Variants in FES observed in about 807,000 individuals in gnomAD.
FES encodes tyrosine-protein kinase Fes/Fps.
FES carries 83 observed loss-of-function variants against 109.6 expected under a neutral mutation model. The observed-to-expected ratio is 0.76, with a 90% confidence interval of 0.63 to 0.91. The LOEUF (loss-of-function observed/expected upper bound fraction) is 0.91, where lower values mean the gene tolerates loss of function less well. Ranked by LOEUF, FES falls within the 40% of genes least tolerant of loss-of-function variation. FES has a pLI of 0.00. For missense variants in FES, 943 were observed against 1,070.9 expected, an observed-to-expected ratio of 0.88 and a Z score of 1.67; for synonymous variants, 458 against 442.1, an observed-to-expected ratio of 1.04 and a Z score of -0.45.
chr15:90,885,440 A>C lies in FES; in HGVS notation c.242A>C (p.Glu81Ala). 6.2e-7 allele frequency: 1 copy of C among 1,613,158 alleles called. No individual in the cohort carries two copies. Among genetic ancestry groups the C allele is most frequent in the South Asian group, 1.1e-5 (1 of 91,070 alleles). The change falls in exon 3 of 19, where the codon GAG becomes GCG. Residue 81 changes from glutamate (E) to alanine (A), a missense_variant. Glu to Ala is a moderately radical substitution (Grantham distance 107, BLOSUM62 -1). Coordinates refer to ENST00000328850, the MANE Select transcript of FES (RefSeq NM_002005.4). ...QSWAEITSQT[E>A]GLSRLLRQHA... ...TGGGCTGAGATCACCAGCCAAACTG[A>C]GGGCCTGAGCCGCTTGCTGCGGCAG...
chr15:90,888,369 A>C (rs1398644132), intron 5 of FES, among the ~76,000 whole-genome samples: 3 of 152,184 alleles, frequency 2.0e-5, no homozygotes, highest in African/African-American at 7.2e-5. Context: ...TGCCTCCCAA[A>C]GTGCCGGGAT....
chr15:90,894,804 C>T (rs535523098), intron 18 of FES, among the ~76,000 whole-genome samples: 3 of 152,010 alleles, frequency 2.0e-5, no homozygotes, highest in Non-Finnish European at 4.4e-5. Context: ...CAGTGGCTCA[C>T]GCCTGTAATT....
intron 12 of FES, 117 bp downstream of exon 12, chr15:90,891,793 A>G: frequency 6.9e-7 from 1 of 1,442,568 alleles, no homozygotes; most frequent in South Asian, 1.3e-5. Context: ...TACATACAAG[A>G]TGCAGAGTGA....
intron 18 of FES, 28 bp downstream of exon 18, chr15:90,894,086 C>T (rs781333398): frequency 1.9e-6 from 3 of 1,611,584 alleles, no homozygotes; most frequent in Admixed American, 1.7e-5. Flanking sequence ...ACAGCAGCCT[C>T]AGGCTGCACC....
Position 90,893,770 on chromosome 15 carries a change from A to C in FES, c.2162A>C (p.Gln721Pro). Residue 721 changes from glutamine to proline, a missense_variant, in exon 17 of 19, where the codon CAA becomes CCA. Transcript: ENST00000328850. ...TATGCAGCCTCAGGGGGCCTCAGAC[A>C]AGTCCCCGTGAAGTGGACCGCACCT... ...GVYAASGGLR[Q>P]VPVKWTAPEA... 2 of 1,606,854 alleles carry C rather than the reference A, an allele frequency of 1.2e-6. No individual in the cohort carries two copies. Among genetic ancestry groups the C allele is most frequent in the Non-Finnish European group, 1.7e-6 (2 of 1,176,184 alleles).
At chr15:90,887,692 A>G (rs887570839) in intron 5 of FES, among the ~76,000 whole-genome samples, 13 of 152,160 alleles carry the variant, frequency 8.5e-5, no homozygotes, top group African/African-American at 3.1e-4. Flanking sequence ...GAGGAGCACT[A>G]AGAGCCATGG....
rs879933562 is a variant in FES, at chr15:90,890,145, A to T, written c.1103A>T (p.Gln368Leu). The change falls in exon 9 of 19, where the codon CAG (glutamine) becomes CTG (leucine). Residue 368 changes from glutamine to leucine, a missense_variant. By Grantham distance (113) the Gln-to-Leu change is moderately radical (BLOSUM62 -2). Coordinates refer to ENST00000328850, the MANE Select transcript of FES (RefSeq NM_002005.4). ...QVLQEALQGL[Q>L]VALCSQAKLQ... is the part of the protein sequence containing the mutation. The stretch of plus-strand genomic sequence containing the variant: ...CTGCAAGAAGCACTGCAGGGGCTGC[A>T]GGTAGCGCTGTGCAGCCAGGCCAAG... The T allele has an allele frequency of 1.6e-5, 26 of 1,589,752 alleles. No individual in the cohort carries two copies. The highest frequency in any genetic ancestry group is 2.2e-5 in the Non-Finnish European group (26 of 1,173,780).
chr15:90,890,605 T>C (rs753623918), intron 10 of FES, 121 bp downstream of exon 10: 2 of 921,610 alleles, frequency 2.2e-6, no homozygotes, highest in Non-Finnish European at 3.3e-6. Context: ...TTCCCTGGGA[T>C]TCCAGGCTGC....
Position 90,887,213 on chromosome 15 carries a change from A to T in FES, c.511A>T (p.Lys171Ter). 1 of 1,613,570 alleles carries T rather than the reference A, an allele frequency of 6.2e-7. No homozygotes were observed. ...KDKDRDKAKDKYVRSLWKLFA... is the reference protein window; with the variant it reads ...KDKDRDKAKD ...CAAGGACCGTGACAAGGCTAAGGAC[A>T]AGTATGTGCGCAGCCTGTGGAAGCT... The change falls in exon 5 of 19, where the codon AAG becomes TAG. Residue 171 changes from lysine to a stop codon, truncating the protein, a stop_gained. Transcript: ENST00000328850. LOFTEE classifies it high-confidence loss of function.
At chr15:90,893,035 C>T in intron 14 of FES, 65 bp from the exon 15 acceptor site, 1 of 1,551,438 alleles carries the variant, frequency 6.4e-7, no homozygotes, top group East Asian at 2.3e-5. Flanking sequence ...CTTCTCCCAT[C>T]ATCCCTGGGG....
In FES at chr15:90,889,298, G is replaced by T. The variant is rs1429424275; in HGVS notation, c.669-8G>T. The T allele has an allele frequency of 1.2e-6, 2 of 1,612,066 alleles. No individual in the cohort carries two copies. The highest frequency in any genetic ancestry group is 1.7e-6 in the Non-Finnish European group (2 of 1,179,674). On this transcript the variant is annotated splice_region_variant and splice_polypyrimidine_tract_variant and intron_variant, in intron 5 of 18. Transcript: ENST00000328850. The surrounding 1 kb of genome is among the most constrained non-coding windows in gnomAD (Gnocchi z 6.1). Reference sequence around the variant, plus strand: ...CTCCCCTGACTGGGGATCCCGTCTCGGGGGCAGGAAGGAGATCCTGCAGGA... The same window carrying T: ...CTCCCCTGACTGGGGATCCCGTCTCTGGGGCAGGAAGGAGATCCTGCAGGA...
intron 1 of FES, 176 bp from the exon 2 acceptor site, chr15:90,884,861 C>G: frequency 1.6e-6 from 1 of 612,584 alleles, no homozygotes; most frequent in East Asian, 2.7e-5. Context: ...GCAATGAGGG[C>G]CAGTCCCCAG....
chr15:90,891,438 T>C, intron 11 of FES, 116 bp from the exon 12 acceptor site: 1 of 1,419,830 alleles, frequency 7.0e-7, no homozygotes, highest in Non-Finnish European at 9.8e-7. Context: ...TCTGGAGGTC[T>C]CTCTGCCCCT....
rs763259168 is a variant in FES, at chr15:90,885,169, A to C, written c.124A>C (p.Arg42=). 1.2e-6 allele frequency: 2 copies of C among 1,613,904 alleles called. No individual in the cohort carries two copies. The highest frequency in any genetic ancestry group is 2.2e-5 in the East Asian group (1 of 44,882). The change falls in exon 2 of 19, where the codon AGG becomes CGG. Residue 42 remains arginine, a synonymous_variant. Coordinates refer to ENST00000328850, the MANE Select transcript of FES (RefSeq NM_002005.4). ...KWMAQRVKSD[R]EYAGLLHHMS... is the part of the protein sequence containing the mutation. ...GATGGCCCAGCGGGTCAAGAGTGACAGGGAGTATGCAGGACTGCTTCACCA... is the reference window on the plus strand; with the variant it reads ...GATGGCCCAGCGGGTCAAGAGTGACCGGGAGTATGCAGGACTGCTTCACCA...
chr15:90,887,127 G>C, intron 4 of FES, 60 bp from the exon 5 acceptor site: 2 of 1,612,326 alleles, frequency 1.2e-6, no homozygotes, highest in Non-Finnish European at 1.7e-6. Context: ...GGTACCCAGA[G>C]AGTGGGGGCT....
chr15:90,892,228 C>A, intron 13 of FES, 117 bp downstream of exon 13: 1 of 1,116,688 alleles, frequency 9.0e-7, no homozygotes, highest in South Asian at 1.3e-5. Context: ...ACTTGTACCC[C>A]GACTCCCTGC....
Position 90,895,528 on chromosome 15 carries a change from G to A in FES, c.2439G>A (p.Glu813=). The A allele has an allele frequency of 6.3e-7, 1 of 1,594,880 alleles. No homozygotes were observed. Among genetic ancestry groups the A allele is most frequent in the East Asian group, 2.3e-5 (1 of 43,724 alleles). The change falls in exon 19 of 19, where the codon GAG becomes GAA. Residue 813 remains glutamate, a synonymous_variant. Coordinates refer to ENST00000328850, the MANE Select transcript of FES (RefSeq NM_002005.4). ...CCAGCTTCAGCACCATCTACCAGGA[G>A]CTGCAGAGCATCCGAAAGCGGCATC... ...QRPSFSTIYQ[E]LQSIRKRHR
chr15:90,889,041 G>T lies in FES; in HGVS notation c.669-265G>T, dbSNP rs978523892. Among the ~76,000 whole-genome samples the T allele has an allele frequency of 6.6e-6, 1 of 152,092 alleles. No homozygotes were observed. The highest frequency in any genetic ancestry group is 1.9e-4 in the East Asian group (1 of 5,178). On this transcript the variant is annotated intron_variant, in intron 5 of 18. Transcript: ENST00000328850. This position sits in a 1 kb window ranked among gnomAD's most constrained non-coding sequence, Gnocchi z 6.1. ...TGACCTCAGGCAATCCACCCGCCTCGACCTCCCAGTGTTGGTATTATAGGC... is the reference window on the plus strand; with the variant it reads ...TGACCTCAGGCAATCCACCCGCCTCTACCTCCCAGTGTTGGTATTATAGGC...
chr15:90,892,066 G>A lies in FES; in HGVS notation c.1662G>A (p.Trp554Ter). Residue 554 changes from tryptophan (W) to a stop codon, truncating the protein, a stop_gained, in exon 13 of 19, where the codon TGG (tryptophan) becomes TGA (stop). Coordinates refer to ENST00000328850, the MANE Select transcript of FES (RefSeq NM_002005.4). LOFTEE classifies it high-confidence loss of function. ...TCTCCTCTCTTCCCCAGGACAAGTG[G>A]GTGCTGAACCATGAGGACCTGGTGT... The part of the protein sequence containing the change: ...VLHRAVPKDK[W>*]VLNHEDLVLG... 1 of 1,614,120 alleles carries A rather than the reference G, an allele frequency of 6.2e-7. No homozygotes were observed.
Sources: allele counts gnomAD v4.1 joint callset (sites outside exome capture counted in the v4.1 genomes callset), GRCh38; gene constraint gnomAD v4.1.1; non-coding constraint Gnocchi (gnomAD v3.1); transcripts MANE v1.5; gene names NCBI Gene and HGNC (gene_info 2026-07-23, HGNC 2026-07-21).